The following STAC variants were observed in gnomAD, a reference collection of about 807,000 sequenced individuals.
STAC encodes SH3 and cysteine-rich domain-containing protein.
A neutral mutation model predicts 48.8 loss-of-function variants in STAC; 43 were observed. That is an observed-to-expected ratio of 0.88 (90% CI 0.69 to 1.14). STAC has a LOEUF of 1.14. Ranked by LOEUF, STAC falls within the 50% of genes most tolerant of loss-of-function variation. The probability of loss-of-function intolerance (pLI) is 0.00; values close to 1 mark genes in which losing one functional copy is unlikely to be tolerated. For missense variants in STAC, 497 were observed against 504.0 expected, an observed-to-expected ratio of 0.99 and a Z score of 0.13; for synonymous variants, 193 against 179.5, an observed-to-expected ratio of 1.07 and a Z score of -0.60.
At chr3:36,493,270 A>G (rs757863873) in intron 6 of STAC, 41 bp downstream of exon 6, 1 of 1,594,312 alleles carries the variant, frequency 6.3e-7, no homozygotes, top group South Asian at 1.1e-5. Flanking sequence ...TGATCACATG[A>G]GTCAGGGTCA....
At chr3:36,402,871 A>G (rs73057913) in intron 1 of STAC, among the ~76,000 whole-genome samples, 3,536 of 151,410 alleles carry the variant, frequency 0.023, 59 homozygotes, top group East Asian at 0.026. Flanking sequence ...ATCTACTCAG[A>G]GTCTTATCTG....
rs1195679436 is a variant in STAC at position 36,473,564 on chromosome 3, A to C, written c.389-9428A>C. On this transcript the variant is annotated intron_variant, in intron 2 of 10. Coordinates refer to ENST00000273183, the MANE Select transcript of STAC (RefSeq NM_003149.3). ...CTCAGATGCACAGACTGAGGCTCAG[A>C]GATCAAGTGCCTGGTTCAAAGTCTC... 3.3e-5 allele frequency among the ~76,000 whole-genome samples: 5 copies of C among 152,202 alleles called. No individual in the cohort carries two copies. In the East Asian group the frequency reaches 9.6e-4, roughly 29 times the overall value.
chr3:36,529,702 G>A (rs1004818811), intron 10 of STAC, among the ~76,000 whole-genome samples: 1 of 152,188 alleles, frequency 6.6e-6, no homozygotes, highest in African/African-American at 2.4e-5. Flanking sequence ...TCACACTTTA[G>A]CTCTCTGGCC....
chr3:36,514,282 C>G (rs1698616372), intron 8 of STAC, among the ~76,000 whole-genome samples: 1 of 132,702 alleles, frequency 7.5e-6, no homozygotes, highest in South Asian at 2.4e-4. Context: ...TTTCTTCCTG[C>G]AGAGTCTGCT....
At chr3:36,498,545 G>C (rs1698204076) in intron 6 of STAC, among the ~76,000 whole-genome samples, 1 of 152,136 alleles carries the variant, frequency 6.6e-6, no homozygotes, top group African/African-American at 2.4e-5. Context: ...CTTGAGCCCG[G>C]GAGTTTGAGA....
intron 1 of STAC, among the ~76,000 whole-genome samples, chr3:36,429,512 T>C (rs1700641117): frequency 6.6e-6 from 1 of 152,166 alleles, no homozygotes; most frequent in Non-Finnish European, 1.5e-5. Flanking sequence ...CATTTCTCTC[T>C]CTCTGTCCAT....
intron 5 of STAC, among the ~76,000 whole-genome samples, chr3:36,487,477 A>T (rs1201514466): frequency 6.6e-6 from 1 of 152,192 alleles, no homozygotes; most frequent in East Asian, 1.9e-4. Context: ...TTGACATCAG[A>T]TAGTTCTTTC....
chr3:36,435,836 A>G (rs1700820644), intron 1 of STAC, among the ~76,000 whole-genome samples: 1 of 152,084 alleles, frequency 6.6e-6, no homozygotes, highest in Non-Finnish European at 1.5e-5. Flanking sequence ...TCTTTGAATC[A>G]TTTTCTTCCC....
At position 36,527,578 on chromosome 3, in the gene STAC, G is replaced by A. The variant is rs149038620; in HGVS notation, c.921-1118G>A. ...CATAGAGGAAAATAAGACTGTAAGTGTGTAAGAAAGACAAAAAATGTGAGG... is the reference window on the plus strand; with the variant it reads ...CATAGAGGAAAATAAGACTGTAAGTATGTAAGAAAGACAAAAAATGTGAGG... On this transcript the variant is annotated intron_variant, in intron 8 of 10. Transcript: ENST00000273183. 4.0e-3 allele frequency among the ~76,000 whole-genome samples: 610 copies of A among 152,290 alleles called. 4 individuals carry two copies. Among genetic ancestry groups the A allele is most frequent in the Non-Finnish European group, 6.5e-3 (439 of 68,016 alleles).
chr3:36,500,388 TG>T (rs1021230173), intron 6 of STAC, among the ~76,000 whole-genome samples: 2 of 152,114 alleles, frequency 1.3e-5, no homozygotes, highest in African/African-American at 4.8e-5. Context: ...AAGTAGGAGC[TG>T]AACAATGAGA....
intron 8 of STAC, among the ~76,000 whole-genome samples, chr3:36,516,282 C>T (rs1348930500): frequency 6.6e-6 from 1 of 151,912 alleles, no homozygotes; most frequent in Non-Finnish European, 1.5e-5. Flanking sequence ...GTGCCCAGCC[C>T]TCATATTTTC....
At chr3:36,431,273 T>C (rs1314528368) in intron 1 of STAC, among the ~76,000 whole-genome samples, 1 of 152,128 alleles carries the variant, frequency 6.6e-6, no homozygotes, top group Non-Finnish European at 1.5e-5. Context: ...CTCTCTTTGT[T>C]CTCGGGGGAA....
At chr3:36,482,029 C>G (rs758842917) in intron 2 of STAC, among the ~76,000 whole-genome samples, 2 of 152,218 alleles carry the variant, frequency 1.3e-5, no homozygotes, top group African/African-American at 2.4e-5. Context: ...TTCCTCTTTT[C>G]TAATACATGA....
At chr3:36,423,612 T>TA (rs1015287720) in intron 1 of STAC, among the ~76,000 whole-genome samples, 1 of 152,094 alleles carries the variant, frequency 6.6e-6, no homozygotes, top group Non-Finnish European at 1.5e-5. Flanking sequence ...AAACTATTCA[T>TA]AGAGGTTTTA....
chr3:36,455,947 G>T (rs139801155), intron 2 of STAC, among the ~76,000 whole-genome samples: 1 of 152,246 alleles, frequency 6.6e-6, no homozygotes, highest in Non-Finnish European at 1.5e-5. Context: ...AGCTTGGGAA[G>T]AAAATGCAGA....
chr3:36,448,906 C>CG (rs1055746647), intron 2 of STAC, among the ~76,000 whole-genome samples: 5 of 146,222 alleles, frequency 3.4e-5, no homozygotes, highest in East Asian at 2.2e-4. Flanking sequence ...AGTGAACCCC[C>CG]CCCCCCACTC....
At chr3:36,465,290 CCG>C in intron 2 of STAC, among the ~76,000 whole-genome samples, 1 of 152,210 alleles carries the variant, frequency 6.6e-6, no homozygotes, top group South Asian at 2.1e-4. Context: ...ATGTCCTTAA[CCG>C]ACTTTTTGAT....
chr3:36,492,031 A>AATATATATATATATATAT, intron 5 of STAC, among the ~76,000 whole-genome samples: 18 of 16,432 alleles, frequency 1.1e-3, no homozygotes, highest in Non-Finnish European at 1.7e-3. Flanking sequence ...AAAAAAAAAA[A>AATATATATATATATATAT]ATATATATAT....
In STAC at chr3:36,546,650, C is replaced by G. The variant is rs1164967937; in HGVS notation, c.*361C>G. On this transcript the variant is annotated 3_prime_UTR_variant, in exon 11 of 11. Transcript: ENST00000273183. ...GTGTGCTCCAGTTTGCAGGGTAGCC[C>G]AGTGCAAGGTTCAGATCCATGTAGC... 3.4e-6 allele frequency: 1 copy of G among 292,780 alleles called. No individual in the cohort carries two copies. Among genetic ancestry groups the G allele is most frequent in the African/African-American group, 2.1e-5 (1 of 47,778 alleles). The allele number at this position is 292,780 out of a possible 1,614,324, so 18.1% of individuals were successfully genotyped here.
Sources: gnomAD v4.1 joint callset for allele counts (sites outside exome capture counted in the v4.1 genomes callset) on GRCh38, gnomAD v4.1.1 for gene constraint, MANE v1.5 for transcripts, NCBI Gene and HGNC (gene_info 2026-07-23, HGNC 2026-07-21) for gene names.